SERPING1: variants seen among roughly 807,000 people sequenced by gnomAD.
SERPING1 encodes the protein serpin family G member 1, also known as plasma protease C1 inhibitor.
Under a neutral mutation model 34.1 loss-of-function variants are expected in SERPING1, and 5 were observed. The observed-to-expected ratio is 0.15, with a 90% CI of 0.08 to 0.31. The LOEUF is 0.31. Among genes scored for constraint, SERPING1 ranks in the 10% least tolerant of loss-of-function variants. The pLI, the probability that SERPING1 is intolerant of heterozygous loss-of-function variation, is 1.00. For missense variants in SERPING1, 505 were observed against 609.5 expected (o/e 0.83, Z 1.81); for synonymous variants, 225 against 242.4 (o/e 0.93, Z 0.67).
At chr11:57,599,845 A>C (rs1945326834) in intron 2 of SERPING1, 34 bp from the exon 3 acceptor site, 1 of 1,614,172 alleles carries the variant, frequency 6.2e-7, no homozygotes, top group Non-Finnish European at 8.5e-7. Context: ...CCTCGTAGTA[A>C]GAAAAAAATG....
At position 57,611,870 on chromosome 11, in the gene SERPING1, C is replaced by A. The variant is rs368990869; in HGVS notation, c.1183C>A (p.Leu395Ile). The A allele has an allele frequency of 1.2e-6, 2 of 1,614,074 alleles. No individual in the cohort carries two copies. Among genetic ancestry groups the A allele is most frequent in the East Asian group, 2.2e-5 (1 of 44,898 alleles). Reference sequence around the variant, plus strand: ...GGAGATGTCCAAGTTCCAGCCCACTCTCCTAACACTACCCCGCATCAAAGT... The same window carrying A: ...GGAGATGTCCAAGTTCCAGCCCACTATCCTAACACTACCCCGCATCAAAGT... ...KLEMSKFQPT[L>I]LTLPRIKVTT... The change falls in exon 7 of 8, where the codon CTC (leucine) becomes ATC (isoleucine). Residue 395 changes from leucine to isoleucine, a missense_variant. Physicochemically the swap from Leu to Ile is conservative, Grantham distance 5. Transcript: ENST00000278407.
intron 4 of SERPING1, 61 bp downstream of exon 4, chr11:57,602,230 G>C (rs1945356167): frequency 6.3e-7 from 1 of 1,591,572 alleles, no homozygotes; most frequent in Admixed American, 1.7e-5. Context: ...TCTGAAGGGG[G>C]ACCCAGCGCT....
intron 7 of SERPING1, among the ~76,000 whole-genome samples, chr11:57,612,389 A>G (rs1945487198): frequency 6.6e-6 from 1 of 151,152 alleles, no homozygotes; most frequent in Non-Finnish European, 1.5e-5. Flanking sequence ...GAGAGGCAAC[A>G]GAGACTCCAT....
chr11:57,604,391 T>G (rs1945385280), intron 4 of SERPING1, among the ~76,000 whole-genome samples: 1 of 152,132 alleles, frequency 6.6e-6, no homozygotes. Flanking sequence ...TTTTCAGACT[T>G]TGTTCCTCGG....
intron 4 of SERPING1, chr11:57,605,752 T>C (rs1273889988): frequency 3.7e-6 from 2 of 544,864 alleles, no homozygotes; most frequent in African/African-American, 3.8e-5. Flanking sequence ...AAAAAGATTA[T>C]CTTGCCGAGC....
intron 1 of SERPING1, 73 bp from the exon 2 acceptor site, chr11:57,598,172 GGGGC>G: frequency 8.7e-7 from 1 of 1,146,078 alleles, no homozygotes; most frequent in East Asian, 2.6e-5. Flanking sequence ...AGACGGAATG[GGGGC>G]GGGCCCCGGG....
At chr11:57,608,758 C>T (rs147036588) in intron 6 of SERPING1, among the ~76,000 whole-genome samples, 171 of 150,922 alleles carry the variant, frequency 1.1e-3, no homozygotes, top group African/African-American at 3.8e-3. Flanking sequence ...AGTGCTCGTC[C>T]GTCTTCGGCC....
At chr11:57,607,381 C>T (rs996142863) in intron 6 of SERPING1, among the ~76,000 whole-genome samples, 3 of 152,214 alleles carry the variant, frequency 2.0e-5, no homozygotes, top group African/African-American at 7.2e-5. Context: ...GCCTCCTCCT[C>T]ACCCTGTAAT....
chr11:57,600,525 T>TGGG, intron 3 of SERPING1, 148 bp downstream of exon 3: 1 of 849,524 alleles, frequency 1.2e-6, no homozygotes. Context: ...GGATGTATCT[T>TGGG]TTCATTCTTG....
chr11:57,606,568 TCTC>T (rs1197656630), intron 6 of SERPING1, 21 bp downstream of exon 6: 1 of 1,613,626 alleles, frequency 6.2e-7, no homozygotes, highest in African/African-American at 1.3e-5. Context: ...AACCTTTCCT[TCTC>T]CTGTTTGAAA....
chr11:57,609,644 A>G (rs1945456969), intron 6 of SERPING1, among the ~76,000 whole-genome samples: 6 of 152,184 alleles, frequency 3.9e-5, no homozygotes, highest in Admixed American at 3.9e-4. Flanking sequence ...ATTAATTGCC[A>G]TATTGAACAG....
In SERPING1 at chr11:57,600,003, T is replaced by A; in HGVS notation, c.176T>A (p.Ile59Asn). 1 of 1,614,152 alleles carries A rather than the reference T, an allele frequency of 6.2e-7. No individual in the cohort carries two copies. The highest frequency in any genetic ancestry group is 1.1e-5 in the South Asian group (1 of 91,076). ...TCCAAGATGCTATTCGTTGAACCCA[T>A]CCTGGAGGTTTCCAGCTTGCCGACA... ...VISKMLFVEP[I>N]LEVSSLPTTN... The change falls in exon 3 of 8, where the codon ATC becomes AAC. Residue 59 changes from isoleucine to asparagine, a missense_variant. Transcript: ENST00000278407.
At chr11:57,612,333 G>A (rs921851993) in intron 7 of SERPING1, among the ~76,000 whole-genome samples, 1 of 151,984 alleles carries the variant, frequency 6.6e-6, no homozygotes, top group Non-Finnish European at 1.5e-5. Context: ...CGTGGAATAT[G>A]CAAGAAGCTA....
intron 7 of SERPING1, among the ~76,000 whole-genome samples, 158 bp downstream of exon 7, chr11:57,612,094 G>A (rs1945484227): frequency 1.3e-5 from 2 of 152,170 alleles, no homozygotes; most frequent in South Asian, 4.1e-4. Flanking sequence ...TTATCCCATT[G>A]GATCATTGTG....
chr11:57,605,962 G>A, intron 4 of SERPING1, 48 bp from the exon 5 acceptor site: 1 of 1,538,244 alleles, frequency 6.5e-7, no homozygotes, highest in South Asian at 1.1e-5. Flanking sequence ...CTCATGGAAA[G>A]AACGACGTGT....
intron 3 of SERPING1, 144 bp downstream of exon 3, chr11:57,600,521 A>G: frequency 8.1e-6 from 7 of 862,022 alleles, no homozygotes; most frequent in Non-Finnish European, 1.9e-6. Context: ...AGAGGGATGT[A>G]TCTTTTCATT....
At chr11:57,604,021 G>A (rs763954841) in intron 4 of SERPING1, among the ~76,000 whole-genome samples, 10 of 151,196 alleles carry the variant, frequency 6.6e-5, no homozygotes, top group African/African-American at 1.9e-4. Context: ...GTGGTGGCAC[G>A]CGCCTGTAGT....
chr11:57,613,453 G>T (rs1014956696), intron 7 of SERPING1, among the ~76,000 whole-genome samples: 1 of 152,182 alleles, frequency 6.6e-6, no homozygotes, highest in African/African-American at 2.4e-5. Flanking sequence ...TTCATCATTT[G>T]CTAGAATAGC....
chr11:57,611,673 A>G, intron 6 of SERPING1, 44 bp from the exon 7 acceptor site: 1 of 1,557,862 alleles, frequency 6.4e-7, no homozygotes, highest in Non-Finnish European at 8.9e-7. Context: ...GCCAGGAGAG[A>G]GATGCGGTAG....
Sources: gnomAD v4.1 joint callset for allele counts (sites outside exome capture counted in the v4.1 genomes callset) on GRCh38, gnomAD v4.1.1 for gene constraint, MANE v1.5 for transcripts, NCBI Gene and HGNC (gene_info 2026-07-23, HGNC 2026-07-21) for gene names.